Variants in SYTL4 observed in about 807,000 individuals in gnomAD.
SYTL4 encodes the protein synaptotagmin like 4.
SYTL4 carries 16 observed loss-of-function variants against 52.7 expected under a neutral mutation model. The observed-to-expected ratio is 0.30, with a 90% CI of 0.21 to 0.46. The LOEUF (loss-of-function observed/expected upper bound fraction) is 0.46, where lower values mean the gene tolerates loss of function less well. SYTL4 is among the 20% of genes least tolerant of loss of function. SYTL4 has a pLI of 1.00. For synonymous variants in SYTL4, 160 were observed against 186.6 expected, an observed-to-expected ratio of 0.86 and a Z score of 1.16; for missense variants, 423 against 519.9, an observed-to-expected ratio of 0.81 and a Z score of 1.81.
chrX:100,686,224 G>A (rs955803555), intron 15 of SYTL4, 73 bp from the exon 16 acceptor site: 6 of 1,033,296 alleles, frequency 5.8e-6, no homozygotes, highest in Non-Finnish European at 7.7e-6. Flanking sequence ...TCCAAAACCT[G>A]AGCAACCATT....
chrX:100,706,374 C>T (rs771274637), intron 2 of SYTL4, among the ~76,000 whole-genome samples: 6 of 112,265 alleles, frequency 5.3e-5, no homozygotes, highest in African/African-American at 1.9e-4. Context: ...TATCAGCTCC[C>T]TGCCTCCTCT....
At chrX:100,717,254 T>TAA (rs763503266) in intron 2 of SYTL4, among the ~76,000 whole-genome samples, 34 of 104,779 alleles carry the variant, frequency 3.2e-4, no homozygotes, top group South Asian at 4.2e-4. Flanking sequence ...TAAATAATCC[T>TAA]AAAAAAAAAA....
intron 2 of SYTL4, among the ~76,000 whole-genome samples, chrX:100,724,081 C>T (rs1276308060): frequency 4.0e-5 from 4 of 101,120 alleles, no homozygotes; most frequent in Non-Finnish European, 6.1e-5. Flanking sequence ...TCTGCCCGGC[C>T]GCCCCTGCTG....
At chrX:100,690,465 AG>A in intron 10 of SYTL4, 97 bp downstream of exon 10, 1 of 236,235 alleles carries the variant, frequency 4.2e-6, no homozygotes. Context: ...GAGAAGAGTG[AG>A]GGGGAGGGAG....
chrX:100,714,900 A>C (rs7057053), intron 2 of SYTL4, among the ~76,000 whole-genome samples: 10,768 of 112,084 alleles, frequency 0.096, 1,212 homozygotes, highest in African/African-American at 0.33. Flanking sequence ...ATTTTGTTTA[A>C]ATGAAGCACA....
chrX:100,699,635 C>T (rs1311445274), intron 8 of SYTL4, among the ~76,000 whole-genome samples: 7 of 96,733 alleles, frequency 7.2e-5, no homozygotes, highest in South Asian at 5.7e-4. Flanking sequence ...ACTACAGGTG[C>T]GTGCCACCAC....
chrX:100,726,130 G>A (rs2084512073), intron 2 of SYTL4, among the ~76,000 whole-genome samples: 1 of 107,915 alleles, frequency 9.3e-6, no homozygotes, highest in South Asian at 4.2e-4. Flanking sequence ...ATACTAGATT[G>A]TCCACACTCT....
chrX:100,691,149 C>G lies in SYTL4; in HGVS notation c.600G>C (p.Glu200Asp), dbSNP rs758900268. The change falls in exon 9 of 20, where the codon GAG becomes GAC. Residue 200 changes from glutamate to aspartate, a missense_variant. Glu to Asp is a conservative substitution (Grantham distance 45). Coordinates refer to ENST00000372989, the MANE Select transcript of SYTL4 (RefSeq NM_001370165.1). ...SGKSALEAESESLDSFTADSD... is the reference protein window; with the variant it reads ...SGKSALEAESDSLDSFTADSD... ...AGTCAGCTGTGAAGCTATCCAGACT[C>G]TCACTCTCAGCTTCCAATGCACTCT... The G allele has an allele frequency of 5.0e-6, 6 of 1,209,182 alleles. No homozygotes were observed. The highest frequency in any genetic ancestry group is 4.5e-6 in the Non-Finnish European group (4 of 894,189).
intron 8 of SYTL4, among the ~76,000 whole-genome samples, chrX:100,698,714 T>C (rs1465566394): frequency 3.6e-5 from 4 of 112,027 alleles, no homozygotes; most frequent in Non-Finnish European, 7.5e-5. Flanking sequence ...CAAGCTCTTC[T>C]TGAAGGACCT....
intron 2 of SYTL4, among the ~76,000 whole-genome samples, chrX:100,707,386 A>T (rs2083979427): frequency 9.0e-6 from 1 of 111,680 alleles, no homozygotes; most frequent in Non-Finnish European, 1.9e-5. Flanking sequence ...AGAGATCATA[A>T]TGGTACTAAA....
intron 2 of SYTL4, among the ~76,000 whole-genome samples, chrX:100,718,744 T>C (rs933324386): frequency 9.0e-6 from 1 of 111,364 alleles, no homozygotes; most frequent in Non-Finnish European, 1.9e-5. Context: ...CTTTTCAAAA[T>C]AGATTCTACA....
chrX:100,682,313 TC>T (rs2083388729), intron 16 of SYTL4, among the ~76,000 whole-genome samples: 1 of 111,409 alleles, frequency 9.0e-6, no homozygotes, highest in Non-Finnish European at 1.9e-5. Context: ...ACTTTTAGTG[TC>T]CTTTTAATGA....
intron 2 of SYTL4, among the ~76,000 whole-genome samples, chrX:100,724,862 G>T (rs1193689132): frequency 5.7e-4 from 1 of 1,763 alleles, no homozygotes; most frequent in African/African-American, 9.2e-4. Flanking sequence ...ACCCAAGAAT[G>T]ATCAATAAAA....
At chrX:100,681,486 G>T in intron 16 of SYTL4, 151 bp from the exon 17 acceptor site, 1 of 442,947 alleles carries the variant, frequency 2.3e-6, no homozygotes. Context: ...CCGTCCCTAG[G>T]CCATGGCAGC....
In SYTL4 at chrX:100,728,789, G is replaced by A. The variant is rs1477913713; in HGVS notation, c.-240+2629C>T. Among the ~76,000 whole-genome samples, 4 of 111,748 alleles carry A rather than the reference G, an allele frequency of 3.6e-5. No individual in the cohort carries two copies. In the Admixed American group the frequency reaches 3.8e-4, roughly 11 times the overall value. On this transcript the variant is annotated intron_variant, in intron 2 of 19. Coordinates refer to ENST00000372989, the MANE Select transcript of SYTL4 (RefSeq NM_001370165.1). Reference sequence around the variant, plus strand: ...GCGGTGGCTCACGCCTGTAATCCCAGCACTTTGGGAGGCCGAGGAGGGCAG... The same window carrying A: ...GCGGTGGCTCACGCCTGTAATCCCAACACTTTGGGAGGCCGAGGAGGGCAG...
chrX:100,687,090 A>G lies in SYTL4; in HGVS notation c.1161T>C (p.Asp387=), dbSNP rs1228161218. The G allele has an allele frequency of 8.3e-7, 1 of 1,211,434 alleles. No individual in the cohort carries two copies. Among genetic ancestry groups the G allele is most frequent in the Non-Finnish European group, 1.1e-6 (1 of 895,407 alleles). ...ACGGGTTAGAGCGCTTCTTGGCTTC[A>G]TCAGCATAGGCCAGCTGATGGCACT... ...VKECHQLAYA[D]EAKKRSNPYV... The change falls in exon 14 of 20, where the codon GAT becomes GAC. Residue 387 remains aspartate (D), a synonymous_variant. Coordinates refer to ENST00000372989, the MANE Select transcript of SYTL4 (RefSeq NM_001370165.1).
chrX:100,709,871 CAGTT>C (rs2084032782), intron 2 of SYTL4, among the ~76,000 whole-genome samples: 1 of 111,668 alleles, frequency 9.0e-6, no homozygotes, highest in Admixed American at 9.5e-5. Context: ...GTCTAGACGT[CAGTT>C]AAAGTTTCAG....
At chrX:100,713,746 G>A (rs1210579651) in intron 2 of SYTL4, among the ~76,000 whole-genome samples, 2 of 111,576 alleles carry the variant, frequency 1.8e-5, no homozygotes. Flanking sequence ...ACAAATTGTA[G>A]TATACCCATG....
intron 16 of SYTL4, among the ~76,000 whole-genome samples, chrX:100,683,133 A>ATTTTTTTTTTTT (rs559628938): frequency 3.7e-5 from 2 of 53,972 alleles, no homozygotes; most frequent in Non-Finnish European, 6.5e-5. Flanking sequence ...ACCTGCCTGT[A>ATTTTTTTTTTTT]TTTTTTTTTT....
Sources: gnomAD v4.1 joint callset for allele counts (sites outside exome capture counted in the v4.1 genomes callset) on GRCh38, gnomAD v4.1.1 for gene constraint, MANE v1.5 for transcripts, NCBI Gene and HGNC (gene_info 2026-07-23, HGNC 2026-07-21) for gene names.